LPIN2: variants seen among roughly 807,000 people sequenced by gnomAD.
LPIN2 encodes phosphatidate phosphatase LPIN2.
In LPIN2, 55 loss-of-function variants were observed where a neutral mutation model predicts 111.4. The ratio of observed to expected loss-of-function variants is 0.49; its 90% CI spans 0.40 to 0.62. The LOEUF is 0.62. Among genes scored for constraint, LPIN2 ranks in the 20% least tolerant of loss-of-function variants. The pLI is 0.00. For missense variants in LPIN2, 992 were observed against 1,112.1 expected (o/e 0.89, Z 1.54); for synonymous variants, 425 against 414.0 (o/e 1.03, Z -0.32).
intron 1 of LPIN2, among the ~76,000 whole-genome samples, chr18:2,977,641 G>A (rs1051859004): frequency 6.6e-6 from 1 of 152,090 alleles, no homozygotes; most frequent in Non-Finnish European, 1.5e-5. Flanking sequence ...GAAAAAACAG[G>A]AGTATACTCC....
chr18:2,984,173 C>T (rs574659404), intron 1 of LPIN2, among the ~76,000 whole-genome samples: 1 of 152,262 alleles, frequency 6.6e-6, no homozygotes, highest in Admixed American at 6.5e-5. Flanking sequence ...ATAATAAAAA[C>T]ATTAAGTGGC....
intron 1 of LPIN2, among the ~76,000 whole-genome samples, chr18:3,004,578 G>A (rs2078483282): frequency 6.6e-6 from 1 of 152,170 alleles, no homozygotes; most frequent in Admixed American, 6.5e-5. Context: ...TAACCCAGGA[G>A]TCACAGTGTA....
Position 2,951,303 on chromosome 18 carries a change from G to T in LPIN2, c.342C>A (p.Phe114Leu). ...ATSPIPTEDQ[F>L]FKDIDTPLVK... The stretch of plus-strand genomic sequence containing the variant: ...CCAAAGGGGTGTCAATATCTTTAAA[G>T]AACTGATCTTCAGTAGGAATTGGTG... The change falls in exon 4 of 20, where the codon TTC becomes TTA. Residue 114 changes from phenylalanine to leucine, a missense_variant. This residue lies in a region of LPIN2 where 709 missense variants were observed against 753.2 expected (regional missense o/e 0.94). Transcript: ENST00000677752. The T allele has an allele frequency of 6.2e-7, 1 of 1,614,126 alleles. No individual in the cohort carries two copies. Among genetic ancestry groups the T allele is most frequent in the Non-Finnish European group, 8.5e-7 (1 of 1,180,016 alleles).
intron 1 of LPIN2, among the ~76,000 whole-genome samples, chr18:2,972,003 C>T (rs908491553): frequency 2.6e-5 from 4 of 151,976 alleles, no homozygotes; most frequent in Admixed American, 1.3e-4. Context: ...GCCAAGATCG[C>T]GCCACTGCAT....
At chr18:2,938,882 G>A (rs2077329353) in intron 6 of LPIN2, among the ~76,000 whole-genome samples, 1 of 152,016 alleles carries the variant, frequency 6.6e-6, no homozygotes, top group Admixed American at 6.5e-5. Flanking sequence ...GGCTGGGGAT[G>A]GCAGCTCACG....
intron 11 of LPIN2, 151 bp downstream of exon 11, chr18:2,928,440 G>T: frequency 1.3e-6 from 1 of 754,734 alleles, no homozygotes. Context: ...ATTTTTAGTG[G>T]GTACATATGA....
Position 2,937,760 on chromosome 18 carries a change from G to A in LPIN2, c.1100C>T (p.Ala367Val), listed in dbSNP as rs777078041. The A allele has an allele frequency of 2.5e-6, 4 of 1,614,112 alleles. No homozygotes were observed. In the South Asian group the frequency reaches 3.3e-5, roughly 13 times the overall value. ...TTCTGAGGGCGCCTCCGCTAAGGCT[G>A]CGTTGGGAAGGTGGTCAGCATCTAA... The part of the protein sequence containing the change: ...SMLDADHLPN[A>V]ALAEAPSESK... The change falls in exon 7 of 20, where the codon GCA (alanine) becomes GTA (valine). Residue 367 changes from alanine (A) to valine (V), a missense_variant. This residue lies in a region of LPIN2 where 709 missense variants were observed against 753.2 expected (regional missense o/e 0.94). Coordinates refer to ENST00000677752, the MANE Select transcript of LPIN2 (RefSeq NM_001375808.2).
intron 1 of LPIN2, among the ~76,000 whole-genome samples, chr18:2,975,139 T>G (rs1289050157): frequency 6.6e-6 from 1 of 152,216 alleles, no homozygotes; most frequent in Non-Finnish European, 1.5e-5. Flanking sequence ...AACTTATCTA[T>G]AGTCTAGCAG....
chr18:2,992,168 CA>C (rs1196291337), intron 1 of LPIN2, among the ~76,000 whole-genome samples: 1 of 152,122 alleles, frequency 6.6e-6, no homozygotes, highest in Non-Finnish European at 1.5e-5. Flanking sequence ...GTGGAAACAA[CA>C]CAACTGTCCA....
At chr18:2,946,842 A>G in intron 4 of LPIN2, 1 of 342,334 alleles carries the variant, frequency 2.9e-6, no homozygotes, top group Non-Finnish European at 5.5e-6. Flanking sequence ...GAGTCAACGA[A>G]TTTCAGCGTG....
At chr18:2,964,048 G>A (rs769483270) in intron 1 of LPIN2, among the ~76,000 whole-genome samples, 3 of 151,804 alleles carry the variant, frequency 2.0e-5, no homozygotes, top group Non-Finnish European at 2.9e-5. Flanking sequence ...CTGAGAGGCT[G>A]AGGCAAGCAG....
intron 1 of LPIN2, among the ~76,000 whole-genome samples, chr18:3,002,745 C>G (rs73367299): frequency 0.058 from 8,870 of 152,260 alleles, 459 homozygotes; most frequent in East Asian, 0.27. Context: ...TTTAACTAAA[C>G]AGTAAATTCT....
chr18:2,969,147 A>C (rs1446377427), intron 1 of LPIN2, among the ~76,000 whole-genome samples: 1 of 152,212 alleles, frequency 6.6e-6, no homozygotes, highest in Non-Finnish European at 1.5e-5. Context: ...AAAAAATGCA[A>C]ATTTCTGACT....
At chr18:2,989,748 C>G (rs2143416301) in intron 1 of LPIN2, among the ~76,000 whole-genome samples, 1 of 152,154 alleles carries the variant, frequency 6.6e-6, no homozygotes, top group Non-Finnish European at 1.5e-5. Flanking sequence ...CAGTGAAACC[C>G]CGCCTCTACA....
At chr18:3,011,215 C>T (rs752928974) in intron 1 of LPIN2, among the ~76,000 whole-genome samples, 2 of 152,192 alleles carry the variant, frequency 1.3e-5, no homozygotes, top group African/African-American at 2.4e-5. Context: ...CTATTATTTG[C>T]TTCTTAACAG....
At chr18:2,986,526 G>T (rs2078187650) in intron 1 of LPIN2, among the ~76,000 whole-genome samples, 1 of 123,130 alleles carries the variant, frequency 8.1e-6, no homozygotes. Flanking sequence ...AGTCTATTGT[G>T]ATAAGTCTAT....
intron 2 of LPIN2, among the ~76,000 whole-genome samples, chr18:2,958,755 T>G (rs542116820): frequency 6.6e-6 from 1 of 152,218 alleles, no homozygotes. Context: ...TTGTGTAGCT[T>G]TTGCACAGGA....
intron 8 of LPIN2, among the ~76,000 whole-genome samples, chr18:2,932,321 A>C (rs528028339): frequency 6.6e-6 from 1 of 152,222 alleles, no homozygotes; most frequent in Non-Finnish European, 1.5e-5. Context: ...TGAATTAAAA[A>C]AACAGTGACC....
rs147618863 is a variant in LPIN2, at chr18:3,004,399, C to T, written c.-10+8688G>A. ...CAGCTGTGAAATTCCTCTCTTTGTA[C>T]TCTGTCTATTTCTCAGACCGGCCAA... is the stretch of plus-strand genomic sequence containing the variant. On this transcript the variant is annotated intron_variant, in intron 1 of 19. Coordinates refer to ENST00000677752, the MANE Select transcript of LPIN2 (RefSeq NM_001375808.2). Among the ~76,000 whole-genome samples the T allele has an allele frequency of 1.7e-4, 26 of 152,292 alleles. No individual in the cohort carries two copies. The East Asian group carries it at 4.6e-3, about 27-fold the overall frequency.
Sources: allele counts gnomAD v4.1 joint callset (sites outside exome capture counted in the v4.1 genomes callset), GRCh38; gene constraint gnomAD v4.1.1; regional missense constraint gnomAD v4.1.1; transcripts MANE v1.5; gene names NCBI Gene and HGNC (gene_info 2026-07-23, HGNC 2026-07-21).